RAB3C: variants seen among roughly 807,000 people sequenced by gnomAD.
The protein encoded by RAB3C is RAB3C, member RAS oncogene family, also known as ras-related protein Rab-3C.
Under a neutral mutation model 26.4 loss-of-function variants are expected in RAB3C, and 17 were observed. The observed-to-expected ratio is 0.64, with a 90% CI of 0.44 to 0.97. RAB3C has a LOEUF of 0.97. Ranked by LOEUF, RAB3C falls within the 50% of genes least tolerant of loss-of-function variation. The pLI is 0.00. For missense variants in RAB3C, 242 were observed against 281.9 expected, an observed-to-expected ratio of 0.86 and a Z score of 1.01; for synonymous variants, 91 against 95.9, an observed-to-expected ratio of 0.95 and a Z score of 0.30.
At chr5:58,769,068 G>A (rs1561124541) in intron 3 of RAB3C, among the ~76,000 whole-genome samples, 1 of 151,918 alleles carries the variant, frequency 6.6e-6, no homozygotes, top group Non-Finnish European at 1.5e-5. Flanking sequence ...AACTGGGCAG[G>A]GTTTGATGAC....
intron 3 of RAB3C, chr5:58,823,034 A>T: frequency 1.7e-6 from 1 of 587,028 alleles, no homozygotes; most frequent in South Asian, 1.4e-5. Flanking sequence ...TGTCCCTCAC[A>T]GTACCAGATG....
At chr5:58,807,652 T>A (rs754986240) in intron 3 of RAB3C, among the ~76,000 whole-genome samples, 1 of 152,020 alleles carries the variant, frequency 6.6e-6, no homozygotes, top group South Asian at 2.1e-4. Flanking sequence ...TATAAAGGGA[T>A]TAAAACTACA....
rs1482763068 is a variant in RAB3C, at chr5:58,693,322, T to TTATATATATATGTGTATATATATATA, written c.253-32668_253-32643dup. Among the ~76,000 whole-genome samples the TTATATATATATGTGTATATATATATA allele has an allele frequency of 9.3e-5, 7 of 75,208 alleles. No homozygotes were observed. The East Asian group carries it at 1.9e-3, about 21-fold the overall frequency. The allele number at this position is 75,208 out of a possible 152,430, so 49.3% of individuals were successfully genotyped here. ...TAATTATATAAATAAAATTAAGAAA[T>TTATATATATATGTGTATATATATATA]TATATATATATGTGTATATATATAT... On this transcript the variant is annotated intron_variant, in intron 2 of 4. Coordinates refer to ENST00000282878, the MANE Select transcript of RAB3C (RefSeq NM_138453.4).
chr5:58,757,805 G>A (rs1334959606), intron 3 of RAB3C, among the ~76,000 whole-genome samples: 1 of 152,136 alleles, frequency 6.6e-6, no homozygotes, highest in Non-Finnish European at 1.5e-5. Context: ...TGCCTGATCT[G>A]ATCTTTAATA....
intron 3 of RAB3C, among the ~76,000 whole-genome samples, chr5:58,782,241 G>A (rs1742287408): frequency 6.6e-6 from 1 of 152,086 alleles, no homozygotes; most frequent in Admixed American, 6.6e-5. Context: ...AAGCAGGCGA[G>A]GCTTGGAAGA....
intron 1 of RAB3C, among the ~76,000 whole-genome samples, chr5:58,610,219 T>TGTGTGTGTGTGTGC (rs1746669512): frequency 6.6e-6 from 1 of 151,912 alleles, no homozygotes; most frequent in Non-Finnish European, 1.5e-5. Context: ...TGTGTGTGTG[T>TGTGTGTGTGTGTGC]GTGTACATAC....
chr5:58,700,520 T>C (rs938722487), intron 2 of RAB3C, among the ~76,000 whole-genome samples: 7 of 152,220 alleles, frequency 4.6e-5, no homozygotes, highest in African/African-American at 1.7e-4. Context: ...ATCTAATGGA[T>C]AAGCTTGAGA....
chr5:58,706,181 A>G (rs915856141), intron 2 of RAB3C, among the ~76,000 whole-genome samples: 1 of 152,196 alleles, frequency 6.6e-6, no homozygotes, highest in Non-Finnish European at 1.5e-5. Flanking sequence ...TATGGTGGCC[A>G]TGTTGAATGA....
rs188910158 is a variant in RAB3C, at chr5:58,741,211, A to C, written c.371+15091A>C. Among the ~76,000 whole-genome samples, 193 of 152,372 alleles carry C rather than the reference A, an allele frequency of 1.3e-3. 1 individual carries two copies. Among genetic ancestry groups the C allele is most frequent in the African/African-American group, 4.4e-3 (183 of 41,594 alleles). On this transcript the variant is annotated intron_variant, in intron 3 of 4. Coordinates refer to ENST00000282878, the MANE Select transcript of RAB3C (RefSeq NM_138453.4). Reference sequence around the variant, plus strand: ...CATTACCCTAATGGCACATGGCTGCATGACAATATGCATAGTATTGACAAC... The same window carrying C: ...CATTACCCTAATGGCACATGGCTGCCTGACAATATGCATAGTATTGACAAC...
At position 58,853,353 on chromosome 5, in the gene RAB3C, A is replaced by T. The variant is rs1205641481; in HGVS notation, c.*2002A>T. On this transcript the variant is annotated 3_prime_UTR_variant, in exon 5 of 5. Transcript: ENST00000282878. ...TATTAAGCTCACTTTTACAATCTAA[A>T]AGGAACTAATAAAGCCAGGAAACCC... 6.6e-6 allele frequency: 1 copy of T among 152,210 alleles called. No individual in the cohort carries two copies. Among genetic ancestry groups the T allele is most frequent in the Non-Finnish European group, 1.5e-5 (1 of 68,040 alleles). 9.4% of individuals were successfully genotyped at this position (152,210 alleles called of 1,614,324 possible). A position where few individuals can be genotyped will look rare whatever the true frequency, so the allele number is the denominator to read the frequency against.
intron 2 of RAB3C, among the ~76,000 whole-genome samples, chr5:58,650,558 G>T (rs567311348): frequency 1.3e-5 from 2 of 152,228 alleles, no homozygotes; most frequent in East Asian, 3.9e-4. Context: ...GTGATAATTG[G>T]CATACGTGTG....
At chr5:58,738,164 G>T (rs572633381) in intron 3 of RAB3C, among the ~76,000 whole-genome samples, 8 of 152,126 alleles carry the variant, frequency 5.3e-5, no homozygotes, top group Admixed American at 5.2e-4. Context: ...TTCCAGTCAG[G>T]GTTCTCTTGT....
intron 2 of RAB3C, among the ~76,000 whole-genome samples, chr5:58,625,730 G>A (rs915570104): frequency 3.8e-4 from 57 of 151,924 alleles, no homozygotes; most frequent in Non-Finnish European, 4.1e-4. Flanking sequence ...TGTGGTGCAC[G>A]CCTGTAATCC....
chr5:58,812,260 G>A (rs910188039), intron 3 of RAB3C, among the ~76,000 whole-genome samples: 2 of 152,090 alleles, frequency 1.3e-5, no homozygotes, highest in African/African-American at 4.8e-5. Flanking sequence ...GGTGGAAAGA[G>A]TTGTATAAGC....
rs543565944 is a variant in RAB3C at position 58,599,559 on chromosome 5, A to C, written c.24+16327A>C. ...CTGCTGCCAAGACTCAGTGTGGGCTATCTCCACTCTGGGAAACCGCTGGAA... is the reference window on the plus strand; with the variant it reads ...CTGCTGCCAAGACTCAGTGTGGGCTCTCTCCACTCTGGGAAACCGCTGGAA... On this transcript the variant is annotated intron_variant, in intron 1 of 4. Transcript: ENST00000282878. Among the ~76,000 whole-genome samples, 7 of 152,258 alleles carry C rather than the reference A, an allele frequency of 4.6e-5. No individual in the cohort carries two copies. In the East Asian group the frequency reaches 1.2e-3, roughly 25 times the overall value.
At chr5:58,825,527 C>T (rs548478897) in intron 4 of RAB3C, among the ~76,000 whole-genome samples, 11 of 152,168 alleles carry the variant, frequency 7.2e-5, no homozygotes, top group East Asian at 5.8e-4. Flanking sequence ...TTATTGTTCT[C>T]AAGTTTCCAT....
At chr5:58,756,430 TG>T (rs1343774466) in intron 3 of RAB3C, among the ~76,000 whole-genome samples, 2 of 146,816 alleles carry the variant, frequency 1.4e-5, no homozygotes, top group African/African-American at 5.0e-5. Flanking sequence ...CTTTAAGTTC[TG>T]GGGTACATGT....
chr5:58,583,100 G>A lies in RAB3C; in HGVS notation c.-109G>A, dbSNP rs2111641295. Reference sequence around the variant, plus strand: ...AGTGCTGATGTTGGAGCCGGTTAGCGAACCCCAAGAGTGCAGAGTGTGGAG... The same window carrying A: ...AGTGCTGATGTTGGAGCCGGTTAGCAAACCCCAAGAGTGCAGAGTGTGGAG... On this transcript the variant is annotated 5_prime_UTR_variant, in exon 1 of 5. Transcript: ENST00000282878. 2 of 1,577,114 alleles carry A rather than the reference G, an allele frequency of 1.3e-6. No individual in the cohort carries two copies. Among genetic ancestry groups the A allele is most frequent in the South Asian group, 1.2e-5 (1 of 86,944 alleles).
intron 2 of RAB3C, among the ~76,000 whole-genome samples, chr5:58,714,408 T>C (rs942945927): frequency 1.3e-5 from 2 of 152,078 alleles, no homozygotes; most frequent in African/African-American, 4.8e-5. Flanking sequence ...AAAAATATAT[T>C]TGGACATACA....
Sources: gnomAD v4.1 joint callset for allele counts (sites outside exome capture counted in the v4.1 genomes callset) on GRCh38, gnomAD v4.1.1 for gene constraint, MANE v1.5 for transcripts, NCBI Gene and HGNC (gene_info 2026-07-23, HGNC 2026-07-21) for gene names.